The following KCNC4 variants were observed in gnomAD, a reference collection of about 807,000 sequenced individuals.
The protein encoded by KCNC4 is voltage-gated potassium channel KCNC4.
KCNC4 carries 23 observed loss-of-function variants against 42.8 expected under a neutral mutation model. That is an observed-to-expected ratio of 0.54 (90% CI 0.39 to 0.76). KCNC4 has a LOEUF of 0.76. KCNC4 is among the 30% of genes least tolerant of loss of function. The pLI, the probability that KCNC4 is intolerant of heterozygous loss-of-function variation, is 0.00. For synonymous variants in KCNC4, 422 were observed against 393.5 expected (o/e 1.07, Z -0.86); for missense variants, 751 against 898.2 (o/e 0.84, Z 2.10).
chr1:110,273,739 G>T (rs867800679), intron 1 of KCNC4, among the ~76,000 whole-genome samples: 3 of 152,240 alleles, frequency 2.0e-5, no homozygotes, highest in South Asian at 2.1e-4. Context: ...GGATATGGGT[G>T]AGTGGTGTCT....
intron 1 of KCNC4, among the ~76,000 whole-genome samples, chr1:110,270,034 C>T (rs1659611511): frequency 6.6e-6 from 1 of 152,218 alleles, no homozygotes; most frequent in African/African-American, 2.4e-5. Context: ...ATATCTTTAA[C>T]ACATGTATGA....
At chr1:110,268,638 G>GA (rs913560317) in intron 1 of KCNC4, among the ~76,000 whole-genome samples, 10 of 139,312 alleles carry the variant, frequency 7.2e-5, no homozygotes, top group Admixed American at 1.5e-4. Context: ...GAAAAGAAAA[G>GA]AAAAAAAAAG....
In KCNC4 at chr1:110,270,486, C is replaced by A. The variant is rs139669584; in HGVS notation, n.31-12048C>A. Among the ~76,000 whole-genome samples, 1,451 of 152,286 alleles carry A rather than the reference C, an allele frequency of 9.5e-3. 18 individuals are homozygous for A. The highest frequency in any genetic ancestry group is 0.034 in the African/African-American group (1,396 of 41,544). ...AATAATCTCAGGGTGGACTTAGAGG[C>A]AGCCTGATGACCCTGTCCACATAGG... On this transcript the variant is annotated intron_variant and non_coding_transcript_variant, in intron 1 of 2. Coordinates refer to the KCNC4 transcript ENST00000412512.
At chr1:110,253,646 C>A (rs1260943889), downstream of KCNC4, among the ~76,000 whole-genome samples, 1 of 152,188 alleles carries the variant, frequency 6.6e-6, no homozygotes, top group African/African-American at 2.4e-5. Context: ...AGGGCTCTTT[C>A]CTCTGCTCAG....
At chr1:110,277,712 A>G (rs1489868627) in intron 1 of KCNC4, among the ~76,000 whole-genome samples, 1 of 152,256 alleles carries the variant, frequency 6.6e-6, no homozygotes, top group Non-Finnish European at 1.5e-5. Flanking sequence ...AGGGGACAGA[A>G]GCAGAGCCCT....
At chr1:110,271,507 T>C (rs4839282) in intron 1 of KCNC4, among the ~76,000 whole-genome samples, 1 of 151,954 alleles carries the variant, frequency 6.6e-6, no homozygotes, top group Admixed American at 6.6e-5. Context: ...AAAAGCTAAG[T>C]ATGGGAAGCA....
intron 1 of KCNC4, 57 bp downstream of exon 1, chr1:110,212,234 G>C (rs1657513685): frequency 7.2e-7 from 1 of 1,379,742 alleles, no homozygotes; most frequent in African/African-American, 1.5e-5. Flanking sequence ...TCCGTGGTGG[G>C]TGGTGGGTAG....
At chr1:110,281,086 C>T (rs1659814114) in intron 1 of KCNC4, among the ~76,000 whole-genome samples, 1 of 152,122 alleles carries the variant, frequency 6.6e-6, no homozygotes, top group African/African-American at 2.4e-5. Flanking sequence ...GGTGCGGGGG[C>T]TTCTGGATAG....
intron 1 of KCNC4, among the ~76,000 whole-genome samples, chr1:110,215,752 G>A (rs1657762335): frequency 6.6e-6 from 1 of 152,212 alleles, no homozygotes; most frequent in Non-Finnish European, 1.5e-5. Flanking sequence ...AGGTGAGGCA[G>A]ATATTGTTAA....
At chr1:110,235,499 CAG>C (rs1212958190), downstream of KCNC4, 1 of 152,228 alleles carries the variant, frequency 6.6e-6, no homozygotes. Flanking sequence ...ATTTCATGGT[CAG>C]GGGCTGAGAA....
At chr1:110,237,465 T>C (rs958796754), downstream of KCNC4, 5 of 152,148 alleles carry the variant, frequency 3.3e-5, no homozygotes, top group Non-Finnish European at 7.4e-5. Flanking sequence ...AAAAAAACTT[T>C]CTAACAAAAT....
rs768507997 is a variant in KCNC4 at position 110,212,027 on chromosome 1, G to A, written c.528G>A (p.Glu176=). The change falls in exon 1 of 4, where the codon GAG becomes GAA. Residue 176 remains glutamate, a synonymous_variant. Coordinates refer to ENST00000438661, the MANE Select transcript of KCNC4 (RefSeq NM_001039574.3). ...GGGSGAGPSD[E]AGDDERELAL... ...GCAGCGGCGCGGGGCCCAGCGACGA[G>A]GCCGGCGACGATGAGCGGGAGCTGG... 206 of 1,592,262 alleles carry A rather than the reference G, an allele frequency of 1.3e-4. No homozygotes were observed. Among genetic ancestry groups the A allele is most frequent in the Non-Finnish European group, 1.6e-4 (189 of 1,171,046 alleles).
chr1:110,263,290 A>G (rs1348524163), intron 1 of KCNC4, among the ~76,000 whole-genome samples: 2 of 152,060 alleles, frequency 1.3e-5, no homozygotes, highest in Non-Finnish European at 2.9e-5. Context: ...ATTTAGTGAC[A>G]TCTTGGGAGA....
At chr1:110,265,413 AAAAT>A (rs1445259481) in intron 1 of KCNC4, among the ~76,000 whole-genome samples, 2 of 101,788 alleles carry the variant, frequency 2.0e-5, no homozygotes, top group Non-Finnish European at 3.7e-5. Flanking sequence ...AAAATAAAAT[AAAAT>A]AAAATATTCC....
At position 110,275,327 on chromosome 1, in the gene KCNC4, A is replaced by C. The variant is rs1453621980; in HGVS notation, n.31-7207A>C. ...CACAATGAAGTATCATCTTATACTA[A>C]TCAGAATAGTTATTATTAAAAAGTC... On this transcript the variant is annotated intron_variant and non_coding_transcript_variant, in intron 1 of 2. Coordinates refer to the KCNC4 transcript ENST00000412512. 2.6e-5 allele frequency among the ~76,000 whole-genome samples: 4 copies of C among 152,208 alleles called. No homozygotes were observed. The South Asian group carries it at 6.2e-4, about 24-fold the overall frequency.
chr1:110,218,849 A>C (rs1379635473), intron 1 of KCNC4, among the ~76,000 whole-genome samples: 1 of 152,128 alleles, frequency 6.6e-6, no homozygotes, highest in Admixed American at 6.5e-5. Flanking sequence ...GAGAGGGGTG[A>C]GTTTTCAACA....
intron 1 of KCNC4, among the ~76,000 whole-genome samples, chr1:110,268,671 G>T (rs933019170): frequency 6.7e-6 from 1 of 148,814 alleles, no homozygotes; most frequent in Admixed American, 6.7e-5. Flanking sequence ...TGGAATTCTC[G>T]GGAAGACAGG....
intron 1 of KCNC4, among the ~76,000 whole-genome samples, chr1:110,270,650 A>G (rs574855973): frequency 1.2e-4 from 19 of 152,182 alleles, no homozygotes; most frequent in East Asian, 3.9e-4. Context: ...GGTGCAAGGG[A>G]GCTGGTTGTG....
In KCNC4 at chr1:110,213,091, A is replaced by G. The variant is rs567861230; in HGVS notation, c.678+914A>G. Among the ~76,000 whole-genome samples, 8 of 150,370 alleles carry G rather than the reference A, an allele frequency of 5.3e-5. No individual in the cohort carries two copies. The East Asian group carries it at 1.4e-3, about 26-fold the overall frequency. ...AGGCAAGACCTACCGCCTCCTCCCC[A>G]AGTAAATCCAGTTTCCCTAACTCCT... On this transcript the variant is annotated intron_variant, in intron 1 of 3. Coordinates refer to ENST00000438661, the MANE Select transcript of KCNC4 (RefSeq NM_001039574.3).
Sources: gnomAD v4.1 joint callset for allele counts (sites outside exome capture counted in the v4.1 genomes callset) on GRCh38, gnomAD v4.1.1 for gene constraint, MANE v1.5 for transcripts, NCBI Gene and HGNC (gene_info 2026-07-23, HGNC 2026-07-21) for gene names.